Variants in PUDP observed in about 807,000 individuals in gnomAD.
PUDP encodes the protein pseudouridine 5'-phosphatase, also known as pseudouridine-5'-phosphatase.
A neutral mutation model predicts 9.4 loss-of-function variants in PUDP; 8 were observed. The ratio of observed to expected loss-of-function variants is 0.85; its 90% CI spans 0.50 to 1.53. PUDP has a LOEUF of 1.53. Ranked by LOEUF, PUDP falls within the 40% of genes most tolerant of loss-of-function variation. The pLI is 0.00. For synonymous variants in PUDP, 99 were observed against 80.7 expected (o/e 1.23, Z -1.22); for missense variants, 188 against 189.7 (o/e 0.99, Z 0.05).
chrX:6,753,408 T>G (rs1428786745), intron 3 of PUDP, among the ~76,000 whole-genome samples: 1 of 112,277 alleles, frequency 8.9e-6, no homozygotes, highest in African/African-American at 3.2e-5. Context: ...ATTTTTGCAA[T>G]TGCAAATTGT....
At chrX:6,803,221 T>C (rs1925994343) in intron 3 of PUDP, among the ~76,000 whole-genome samples, 1 of 110,805 alleles carries the variant, frequency 9.0e-6, no homozygotes, top group African/African-American at 3.3e-5. Flanking sequence ...CTTCAGCCGA[T>C]GGAAACCCAT....
intron 2 of PUDP, among the ~76,000 whole-genome samples, chrX:7,083,321 G>GA (rs1290252454): frequency 8.9e-6 from 1 of 111,867 alleles, no homozygotes; most frequent in Non-Finnish European, 1.9e-5. Context: ...GAATCTGCCA[G>GA]AAAAAAATGA....
chrX:6,761,845 G>A (rs907723236), intron 3 of PUDP, among the ~76,000 whole-genome samples: 2 of 111,286 alleles, frequency 1.8e-5, no homozygotes, highest in African/African-American at 6.5e-5. Flanking sequence ...CACTCTTTAT[G>A]AGTCAAATGA....
At chrX:6,796,121 A>G (rs927499520) in intron 3 of PUDP, among the ~76,000 whole-genome samples, 3 of 112,153 alleles carry the variant, frequency 2.7e-5, no homozygotes, top group Non-Finnish European at 1.9e-5. Context: ...AGTGAAGCGC[A>G]GTGATTCAAA....
intron 1 of PUDP, among the ~76,000 whole-genome samples, chrX:7,035,812 G>C (rs1463517000): frequency 5.4e-5 from 6 of 111,800 alleles, no homozygotes; most frequent in South Asian, 3.7e-4. Flanking sequence ...TCCTTCCAAA[G>C]CTCATGTTGA....
intron 3 of PUDP, among the ~76,000 whole-genome samples, chrX:6,911,413 C>T (rs1444927585): frequency 2.7e-5 from 3 of 110,689 alleles, no homozygotes; most frequent in Non-Finnish European, 5.7e-5. Context: ...AGTCTGGTCT[C>T]GAACTCTTGA....
intron 3 of PUDP, among the ~76,000 whole-genome samples, chrX:6,900,563 A>AAGAGAGAGGGAGATGGAGAG (rs752801559): frequency 8.5e-5 from 9 of 105,280 alleles, no homozygotes; most frequent in Non-Finnish European, 1.8e-4. Context: ...GAGGGAGAGA[A>AAGAGAGAGGGAGATGGAGAG]GGAGAGAGGG....
At chrX:6,917,864 C>T (rs1927959370) in intron 3 of PUDP, among the ~76,000 whole-genome samples, 1 of 111,859 alleles carries the variant, frequency 8.9e-6, no homozygotes, top group African/African-American at 3.2e-5. Context: ...AAAGAAAGGT[C>T]CGTGAGAACA....
chrX:6,981,486 T>C (rs1458491958), intron 1 of PUDP, among the ~76,000 whole-genome samples: 1 of 111,704 alleles, frequency 9.0e-6, no homozygotes, highest in African/African-American at 3.3e-5. Flanking sequence ...TTTAGTGCCA[T>C]TGTTAGTATA....
At chrX:7,024,835 C>T (rs1339779642) in intron 1 of PUDP, among the ~76,000 whole-genome samples, 1 of 100,330 alleles carries the variant, frequency 1.0e-5, no homozygotes, top group Admixed American at 1.1e-4. Context: ...TCGTGATCTG[C>T]CCACCTTGGC....
intron 3 of PUDP, among the ~76,000 whole-genome samples, chrX:6,751,545 A>G (rs1925084476): frequency 8.9e-6 from 1 of 111,956 alleles, no homozygotes; most frequent in African/African-American, 3.3e-5. Context: ...TTGAAAAGAG[A>G]AGAAAAAGAA....
chrX:6,923,546 G>A (rs895425121), intron 3 of PUDP, among the ~76,000 whole-genome samples: 1 of 111,564 alleles, frequency 9.0e-6, no homozygotes, highest in Non-Finnish European at 1.9e-5. Context: ...TTGGGTCAGT[G>A]CTTTCTCCTA....
intron 3 of PUDP, among the ~76,000 whole-genome samples, chrX:7,061,180 G>A (rs1315851763): frequency 1.8e-5 from 2 of 111,385 alleles, no homozygotes; most frequent in Admixed American, 1.9e-4. Flanking sequence ...TACTGACACA[G>A]TACTTGTCTG....
At chrX:7,125,318 T>C in intron 1 of PUDP, among the ~76,000 whole-genome samples, 1 of 112,186 alleles carries the variant, frequency 8.9e-6, no homozygotes, top group Non-Finnish European at 1.9e-5. Context: ...ATGGCAATAA[T>C]CTAAATTCTT....
intron 3 of PUDP, among the ~76,000 whole-genome samples, chrX:6,823,978 G>A (rs947599564): frequency 8.9e-6 from 1 of 112,532 alleles, no homozygotes; most frequent in Non-Finnish European, 1.9e-5. Context: ...GTTTTGGTGG[G>A]TTTTGGCCGG....
chrX:6,848,453 T>C (rs931731577), intron 3 of PUDP, among the ~76,000 whole-genome samples: 3 of 112,519 alleles, frequency 2.7e-5, no homozygotes, highest in Non-Finnish European at 5.6e-5. Context: ...GGATTTTATC[T>C]GGCTTATTTG....
chrX:7,086,743 A>C (rs1372189780), intron 2 of PUDP, among the ~76,000 whole-genome samples: 3 of 112,052 alleles, frequency 2.7e-5, no homozygotes, highest in African/African-American at 6.5e-5. Context: ...CTTCAGTCCT[A>C]ATTTACTAGG....
intron 3 of PUDP, among the ~76,000 whole-genome samples, chrX:6,752,317 C>G (rs1191677013): frequency 9.0e-6 from 1 of 111,432 alleles, no homozygotes; most frequent in Non-Finnish European, 1.9e-5. Context: ...AGACTCTTTG[C>G]ACATACCTGG....
At chrX:6,735,168 A>G (rs182207769) in intron 3 of PUDP, among the ~76,000 whole-genome samples, 1 of 111,900 alleles carries the variant, frequency 8.9e-6, no homozygotes, top group East Asian at 2.8e-4. Flanking sequence ...ACAACACTTC[A>G]TGGTTCTCAG....
Sources: gnomAD v4.1 joint callset for allele counts (sites outside exome capture counted in the v4.1 genomes callset) on GRCh38, gnomAD v4.1.1 for gene constraint, MANE v1.5 for transcripts, NCBI Gene and HGNC (gene_info 2026-07-23, HGNC 2026-07-21) for gene names.